The following KIAA0930 variants were observed in gnomAD, a reference collection of about 807,000 sequenced individuals.
KIAA0930 encodes the protein KIAA0930, also known as uncharacterized protein KIAA0930.
KIAA0930 carries 24 observed loss-of-function variants against 43.9 expected under a neutral mutation model. That is an observed-to-expected ratio of 0.55 (90% CI 0.40 to 0.77). The LOEUF (loss-of-function observed/expected upper bound fraction) is 0.77. Ranked by LOEUF, KIAA0930 falls within the 30% of genes least tolerant of loss-of-function variation. The pLI is 0.00. For synonymous variants in KIAA0930, 259 were observed against 216.4 expected (o/e 1.20, Z -1.73); for missense variants, 461 against 574.2 (o/e 0.80, Z 2.02).
At chr22:45,214,087 G>T (rs549341164) in intron 1 of KIAA0930, among the ~76,000 whole-genome samples, 2 of 152,200 alleles carry the variant, frequency 1.3e-5, no homozygotes, top group South Asian at 4.1e-4. Context: ...TAAGGCAGGA[G>T]AATCACTTGA....
intron 8 of KIAA0930, among the ~76,000 whole-genome samples, chr22:45,199,413 C>T (rs1411169766): frequency 1.3e-5 from 2 of 152,146 alleles, no homozygotes; most frequent in South Asian, 2.1e-4. Context: ...CCAAAGAGCA[C>T]GTGGTTCTGG....
chr22:45,197,716 A>G (rs2083550013), intron 9 of KIAA0930, 74 bp downstream of exon 9: 1 of 1,539,798 alleles, frequency 6.5e-7, no homozygotes, highest in Non-Finnish European at 8.9e-7. Context: ...CGGGTGGCTC[A>G]CAAGTACCAA....
At chr22:45,222,981 G>A (rs2147757499) in intron 1 of KIAA0930, among the ~76,000 whole-genome samples, 1 of 152,242 alleles carries the variant, frequency 6.6e-6, no homozygotes, top group African/African-American at 2.4e-5. Flanking sequence ...CCTGCAGTAG[G>A]AACGTAAACT....
At chr22:45,212,178 G>T in intron 1 of KIAA0930, 71 bp from the exon 2 acceptor site, 1 of 1,613,484 alleles carries the variant, frequency 6.2e-7, no homozygotes, top group African/African-American at 1.3e-5. Flanking sequence ...CCTTGGCCAA[G>T]CTGCGCCCAT....
At chr22:45,228,298 A>G (rs1388866136) in intron 1 of KIAA0930, among the ~76,000 whole-genome samples, 1 of 152,120 alleles carries the variant, frequency 6.6e-6, no homozygotes, top group Non-Finnish European at 1.5e-5. Flanking sequence ...CTTGGTTTCA[A>G]GTGGTTAAGA....
intron 2 of KIAA0930, among the ~76,000 whole-genome samples, chr22:45,207,292 T>C (rs2083646992): frequency 6.7e-6 from 1 of 149,656 alleles, no homozygotes. Flanking sequence ...ATTACAGGCA[T>C]GAGCCACTGC....
intron 2 of KIAA0930, among the ~76,000 whole-genome samples, chr22:45,206,132 C>T (rs1290887949): frequency 6.6e-6 from 1 of 152,244 alleles, no homozygotes; most frequent in African/African-American, 2.4e-5. Flanking sequence ...CCTCTCACTT[C>T]AGCCTCCCAA....
chr22:45,199,852 G>A (rs1252597501), intron 8 of KIAA0930, 21 bp downstream of exon 8: 1 of 1,538,226 alleles, frequency 6.5e-7, no homozygotes, highest in East Asian at 2.4e-5. Flanking sequence ...GGGGACCCTA[G>A]GGCACGGAGT....
chr22:45,222,293 G>A (rs1308642821), intron 1 of KIAA0930, among the ~76,000 whole-genome samples: 3 of 152,148 alleles, frequency 2.0e-5, no homozygotes, highest in Non-Finnish European at 4.4e-5. Context: ...GGAGAAGAAT[G>A]ATCAATCAAA....
rs1299003277 is a variant in KIAA0930 at position 45,195,776 on chromosome 22, G to A, written c.*1400C>T. On this transcript the variant is annotated 3_prime_UTR_variant, in exon 10 of 10. Coordinates refer to ENST00000336156, the MANE Select transcript of KIAA0930 (RefSeq NM_001009880.2). ...CACACACTTGAACCCTGGGACTTCA[G>A]TGAGGTAGGTGGTATCAGCCCCATT... 1 of 152,776 alleles carries A rather than the reference G, an allele frequency of 6.5e-6. No homozygotes were observed. The highest frequency in any genetic ancestry group is 1.9e-4 in the East Asian group (1 of 5,186). 9.5% of individuals were successfully genotyped at this position (152,776 alleles called of 1,614,324 possible).
chr22:45,209,326 G>C (rs1488228956), intron 2 of KIAA0930, among the ~76,000 whole-genome samples: 1 of 152,090 alleles, frequency 6.6e-6, no homozygotes, highest in Non-Finnish European at 1.5e-5. Flanking sequence ...TGCCAGGGGG[G>C]GTCTCCCCGT....
In KIAA0930 at chr22:45,240,748, C is replaced by CG; in HGVS notation, c.-46dup. The CG allele has an allele frequency of 1.2e-6, 1 of 853,602 alleles. No individual in the cohort carries two copies. The highest frequency in any genetic ancestry group is 1.3e-6 in the Non-Finnish European group (1 of 746,244). The allele number at this position is 853,602 out of a possible 1,614,324, so 52.9% of individuals were successfully genotyped here. A position where few individuals can be genotyped will look rare whatever the true frequency, so the allele number is the denominator to read the frequency against. On this transcript the variant is annotated 5_prime_UTR_variant, in exon 1 of 10. Transcript: ENST00000336156. ...TCGGCCTCGGCGCCGCCCGCAGGCT[C>CG]GGGGGCGGCGGCGGCGGGGAGGGCG...
chr22:45,198,786 A>G (rs2083559866), intron 8 of KIAA0930, among the ~76,000 whole-genome samples: 1 of 152,068 alleles, frequency 6.6e-6, no homozygotes, highest in Non-Finnish European at 1.5e-5. Context: ...AGTAGCTGGG[A>G]TTACAGGCGC....
chr22:45,212,144 G>A (rs775894311), intron 1 of KIAA0930, 37 bp from the exon 2 acceptor site: 6 of 1,613,468 alleles, frequency 3.7e-6, no homozygotes, highest in African/African-American at 1.3e-5. Flanking sequence ...AGGAAGGACG[G>A]CCACCCTGGC....
At chr22:45,226,128 G>T (rs1468168500) in intron 1 of KIAA0930, 1 of 408,972 alleles carries the variant, frequency 2.4e-6, no homozygotes, top group Non-Finnish European at 5.2e-6. Context: ...CGTTCAGAGA[G>T]CACGCGGCAG....
chr22:45,219,128 C>T lies in KIAA0930; in HGVS notation c.65-7021G>A, dbSNP rs532927029. Among the ~76,000 whole-genome samples, 37 of 152,336 alleles carry T rather than the reference C, an allele frequency of 2.4e-4. No individual in the cohort carries two copies. The South Asian group carries it at 7.5e-3, about 31-fold the overall frequency. ...AGACTGTCAGATTGGAGTTCAAGAG[C>T]AGACTTGATTCCCATTTGTGATGCA... On this transcript the variant is annotated intron_variant, in intron 1 of 9. Transcript: ENST00000336156.
Position 45,203,906 on chromosome 22 carries a change from T to G in KIAA0930, c.596A>C (p.Gln199Pro). The G allele has an allele frequency of 6.2e-7, 1 of 1,614,008 alleles. No homozygotes were observed. The highest frequency in any genetic ancestry group is 2.2e-5 in the East Asian group (1 of 44,860). ...GATGGAGCCCTGAAAGATGACCCCCTGGAACGTGTTGGTTTTGTCACTAGC... is the reference window on the plus strand; with the variant it reads ...GATGGAGCCCTGAAAGATGACCCCCGGGAACGTGTTGGTTTTGTCACTAGC... ...LVASDKTNTF[Q>P]GVIFQGSIRY... Residue 199 changes from glutamine to proline, a missense_variant, in exon 6 of 10, where the codon CAG becomes CCG. Physicochemically the swap from Gln to Pro is moderately conservative, Grantham distance 76 (BLOSUM62 -1). Coordinates refer to ENST00000336156, the MANE Select transcript of KIAA0930 (RefSeq NM_001009880.2).
intron 6 of KIAA0930, 115 bp downstream of exon 6, chr22:45,203,730 G>A: frequency 6.7e-6 from 8 of 1,193,960 alleles, no homozygotes; most frequent in Non-Finnish European, 9.3e-6. Flanking sequence ...GGTACCCCTG[G>A]CGGCCGCTAC....
chr22:45,204,474 G>GA (rs1335080990), intron 5 of KIAA0930, among the ~76,000 whole-genome samples: 1 of 152,164 alleles, frequency 6.6e-6, no homozygotes, highest in Non-Finnish European at 1.5e-5. Context: ...TGTGAGCTCC[G>GA]AGGCCACAAA....
Sources: gnomAD v4.1 joint callset for allele counts (sites outside exome capture counted in the v4.1 genomes callset) on GRCh38, gnomAD v4.1.1 for gene constraint, MANE v1.5 for transcripts, NCBI Gene and HGNC (gene_info 2026-07-23, HGNC 2026-07-21) for gene names.